Variants in DMD observed in about 807,000 individuals in gnomAD.
DMD encodes dystrophin.
A neutral mutation model predicts 330.1 loss-of-function variants in DMD; 63 were observed. The ratio of observed to expected loss-of-function variants is 0.19; its 90% confidence interval spans 0.16 to 0.24. The LOEUF is 0.24. Ranked by LOEUF, DMD falls within the 10% of genes least tolerant of loss-of-function variation. DMD has a pLI of 1.00. For missense variants in DMD, 3,344 were observed against 2,684.1 expected (o/e 1.25, Z -5.43); for synonymous variants, 1,223 against 959.8 (o/e 1.27, Z -5.07).
intron 1 of DMD, among the ~76,000 whole-genome samples, chrX:33,158,059 A>T (rs1240628237): frequency 1.8e-5 from 2 of 112,200 alleles, no homozygotes. Flanking sequence ...AGTACACAGA[A>T]ATCAAACATA....
intron 11 of DMD, among the ~76,000 whole-genome samples, chrX:32,626,934 T>C (rs775555142): frequency 9.5e-6 from 1 of 105,603 alleles, no homozygotes; most frequent in Admixed American, 9.7e-5. Flanking sequence ...ATAGGTGAAT[T>C]AGTGGAATTT....
chrX:31,642,407 G>A (rs780189489), intron 54 of DMD, among the ~76,000 whole-genome samples: 4 of 111,874 alleles, frequency 3.6e-5, no homozygotes, highest in African/African-American at 1.3e-4. Context: ...AAAACATCTG[G>A]CTCATTCTTG....
At position 32,999,425 on chromosome X, in the gene DMD, T is replaced by G. The variant is rs1256081733; in HGVS notation, c.93+20714A>C. On this transcript the variant is annotated intron_variant, in intron 2 of 78. Coordinates refer to ENST00000357033, the MANE Select transcript of DMD (RefSeq NM_004006.3). ...CAATTCTGCTTTGAAGACTCCCTTT[T>G]AAGTTGGCAATGAATGTACTTACAT... 2.7e-5 allele frequency among the ~76,000 whole-genome samples: 3 copies of G among 112,048 alleles called. No individual in the cohort carries two copies. The East Asian group carries it at 8.4e-4, about 31-fold the overall frequency.
At chrX:32,804,614 G>A (rs775628175) in intron 7 of DMD, among the ~76,000 whole-genome samples, 3 of 112,581 alleles carry the variant, frequency 2.7e-5, no homozygotes, top group Admixed American at 1.9e-4. Context: ...GCACAGCACT[G>A]GAGCTCTGCT....
At chrX:32,126,346 C>T (rs777916964) in intron 44 of DMD, among the ~76,000 whole-genome samples, 11 of 111,936 alleles carry the variant, frequency 9.8e-5, no homozygotes, top group Non-Finnish European at 2.1e-4. Flanking sequence ...TTGACATAGA[C>T]GGCACTTTCA....
intron 71 of DMD, 70 bp from the exon 72 acceptor site, chrX:31,173,674 A>G: frequency 1.1e-6 from 1 of 936,694 alleles, no homozygotes; most frequent in Non-Finnish European, 1.5e-6. Context: ...CCACACAGTT[A>G]TGTTATACAC....
At chrX:31,822,896 C>T in intron 49 of DMD, among the ~76,000 whole-genome samples, 1 of 110,712 alleles carries the variant, frequency 9.0e-6, no homozygotes, top group Non-Finnish European at 1.9e-5. Context: ...GATGCCCAGG[C>T]ACACCTCAGT....
At chrX:31,329,434 C>T (rs1198940628) in intron 61 of DMD, among the ~76,000 whole-genome samples, 2 of 111,676 alleles carry the variant, frequency 1.8e-5, no homozygotes, top group Non-Finnish European at 3.8e-5. Context: ...TGAAATAAGC[C>T]AGTCATAGAA....
chrX:31,702,221 T>C (rs945294262), intron 52 of DMD, among the ~76,000 whole-genome samples: 1 of 112,248 alleles, frequency 8.9e-6, no homozygotes, highest in African/African-American at 3.2e-5. Context: ...GTTTTCACTT[T>C]ACATATTCTC....
chrX:32,516,549 G>C (rs2045879256), intron 18 of DMD: 1 of 111,528 alleles, frequency 9.0e-6, no homozygotes, highest in Admixed American at 9.6e-5. Context: ...TTTCCTGCCT[G>C]ATCAAAGCTG....
At chrX:31,901,542 A>G (rs12013817) in intron 47 of DMD, among the ~76,000 whole-genome samples, 26,207 of 110,340 alleles carry the variant, frequency 0.24, 3,077 homozygotes, top group African/African-American at 0.46. Flanking sequence ...TCAACTTTCC[A>G]CATAATTACT....
intron 2 of DMD, among the ~76,000 whole-genome samples, chrX:32,960,594 C>CT (rs1342358652): frequency 1.8e-5 from 2 of 111,616 alleles, no homozygotes; most frequent in Non-Finnish European, 3.8e-5. Flanking sequence ...ACTTCCCTGA[C>CT]TTTAATGAGC....
chrX:31,166,385 G>A (rs2039418720), intron 74 of DMD, among the ~76,000 whole-genome samples: 1 of 111,376 alleles, frequency 9.0e-6, no homozygotes, highest in Non-Finnish European at 1.9e-5. Context: ...CTCTTTTGCT[G>A]TTATTTGGAG....
intron 59 of DMD, among the ~76,000 whole-genome samples, chrX:31,447,271 T>G (rs1602967511): frequency 2.1e-5 from 2 of 94,871 alleles, no homozygotes; most frequent in Admixed American, 1.2e-4. Flanking sequence ...TTTTTTTTTT[T>G]TTTTTTTTTT....
intron 30 of DMD, among the ~76,000 whole-genome samples, chrX:32,405,993 T>C (rs2098115043): frequency 9.0e-6 from 1 of 111,292 alleles, no homozygotes; most frequent in African/African-American, 3.3e-5. Flanking sequence ...GATTCCTAGG[T>C]ATTTTATTCT....
intron 7 of DMD, among the ~76,000 whole-genome samples, chrX:32,797,963 ATTTAAATTCCCCAAC>A (rs2076293575): frequency 8.9e-6 from 1 of 111,977 alleles, no homozygotes; most frequent in African/African-American, 3.2e-5. Flanking sequence ...ATACTTCATT[ATTTAAATTCCCCAAC>A]TGAGTAAGAA....
chrX:31,924,053 T>C (rs1603607913), intron 47 of DMD, among the ~76,000 whole-genome samples: 1 of 112,363 alleles, frequency 8.9e-6, no homozygotes, highest in Non-Finnish European at 1.9e-5. Flanking sequence ...AGAGAAATGA[T>C]TTCCTATAAT....
At chrX:32,626,787 G>A (rs1329888927) in intron 11 of DMD, among the ~76,000 whole-genome samples, 1 of 103,227 alleles carries the variant, frequency 9.7e-6, no homozygotes, top group Non-Finnish European at 1.9e-5. Flanking sequence ...TTGTGCACAT[G>A]CATCCTAGAA....
At chrX:32,175,168 G>C (rs1306557823) in intron 44 of DMD, among the ~76,000 whole-genome samples, 1 of 111,316 alleles carries the variant, frequency 9.0e-6, no homozygotes, top group African/African-American at 3.3e-5. Context: ...TAATGCTATT[G>C]AGAGGTGAGG....
Sources: allele counts gnomAD v4.1 joint callset (sites outside exome capture counted in the v4.1 genomes callset), GRCh38; gene constraint gnomAD v4.1.1; transcripts MANE v1.5; gene names NCBI Gene and HGNC (gene_info 2026-07-23, HGNC 2026-07-21).